Variants in MATR3 observed in about 807,000 individuals in gnomAD.
MATR3 encodes matrin 3, also known as matrin-3.
In MATR3, 4 loss-of-function variants were observed where a neutral mutation model predicts 85.5. That is an observed-to-expected ratio of 0.05 (90% CI 0.02 to 0.11). MATR3 has a LOEUF of 0.11. MATR3 is among the 10% of genes least tolerant of loss of function. The probability of loss-of-function intolerance (pLI) is 1.00; values close to 1 mark genes in which losing one functional copy is unlikely to be tolerated. For synonymous variants in MATR3, 336 were observed against 343.1 expected (o/e 0.98, Z 0.23); for missense variants, 685 against 1,016.1 (o/e 0.67, Z 4.43).
At position 139,318,967 on chromosome 5, in the gene MATR3, C is replaced by A. The variant is rs200027384; in HGVS notation, c.1368C>A (p.Thr456=). 1 of 1,613,880 alleles carries A rather than the reference C, an allele frequency of 6.2e-7. No homozygotes were observed. The highest frequency in any genetic ancestry group is 1.1e-5 in the South Asian group (1 of 91,076). The part of the protein sequence containing the change: ...DAQAAVDYYT[T]TPALVFGKPV... Reference sequence around the variant, plus strand: ...AGGCCGCAGTGGATTATTACACAACCACACCAGCGTTAGTATTTGGCAAGC... The same window carrying A: ...AGGCCGCAGTGGATTATTACACAACAACACCAGCGTTAGTATTTGGCAAGC... Residue 456 remains threonine (T), a synonymous_variant, in exon 8 of 15, where the codon ACC becomes ACA. Coordinates refer to ENST00000394805, the MANE Select transcript of MATR3 (RefSeq NM_018834.6).
chr5:139,296,571 A>G (rs1754165849), intron 1 of MATR3, among the ~76,000 whole-genome samples: 1 of 152,198 alleles, frequency 6.6e-6, no homozygotes. Context: ...TTTTAAGCGA[A>G]ATTGGCATAG....
chr5:139,319,352 G>C lies in MATR3; in HGVS notation c.1453G>C (p.Asp485His). 6.2e-7 allele frequency: 1 copy of C among 1,614,118 alleles called. No individual in the cohort carries two copies. Among genetic ancestry groups the C allele is most frequent in the Non-Finnish European group, 8.5e-7 (1 of 1,180,014 alleles). Residue 485 changes from aspartate (D) to histidine (H), a missense_variant, in exon 9 of 15, where the codon GAT becomes CAT. By Grantham distance (81) the Asp-to-His change is moderately conservative. Coordinates refer to ENST00000394805, the MANE Select transcript of MATR3 (RefSeq NM_018834.6). ...ATTAAAGAAACCTGAAGGAAAGCCA[G>C]ATCAGAAGTTTGATCAAAAGCAAGA... ...KRIKKPEGKP[D>H]QKFDQKQELG...
At position 139,302,364 on chromosome 5, in the gene MATR3, A is replaced by C. The variant is rs149072573; in HGVS notation, c.-177-4875A>C. On this transcript the variant is annotated intron_variant, in intron 1 of 14. Coordinates refer to ENST00000394805, the MANE Select transcript of MATR3 (RefSeq NM_018834.6). ...AGAGCATAAGATTTGAAAGTGGCTG[A>C]AACTCTAGGAAAAAAATGTAGTTCT... Among the ~76,000 whole-genome samples the C allele has an allele frequency of 2.6e-5, 4 of 152,368 alleles. No individual in the cohort carries two copies. In the East Asian group the frequency reaches 7.7e-4, roughly 29 times the overall value.
chr5:139,279,470 G>A (rs1753432358), intron 3 of MATR3: 1 of 182,826 alleles, frequency 5.5e-6, no homozygotes, highest in South Asian at 1.0e-4. Context: ...CTTGCGATTT[G>A]CCTGCCTTGG....
intron 9 of MATR3, among the ~76,000 whole-genome samples, chr5:139,320,850 G>A (rs1755527395): frequency 6.8e-6 from 1 of 147,902 alleles, no homozygotes; most frequent in Non-Finnish European, 1.5e-5. Flanking sequence ...CCGGTTCATG[G>A]CATTCTCCTG....
intron 1 of MATR3, among the ~76,000 whole-genome samples, chr5:139,296,042 T>G (rs1754131746): frequency 6.6e-6 from 1 of 152,294 alleles, no homozygotes; most frequent in Non-Finnish European, 1.5e-5. Flanking sequence ...CAGGCTGGTG[T>G]TGAACTCTCG....
chr5:139,326,436 TTTA>T, intron 14 of MATR3, 152 bp downstream of exon 14: 3 of 750,676 alleles, frequency 4.0e-6, no homozygotes, highest in Admixed American at 3.1e-5. Flanking sequence ...TTTTTTTTTT[TTTA>T]AAGACAGTTT....
At chr5:139,300,599 A>G (rs1455224542) in intron 1 of MATR3, among the ~76,000 whole-genome samples, 2 of 152,190 alleles carry the variant, frequency 1.3e-5, no homozygotes, top group Non-Finnish European at 2.9e-5. Context: ...GATTATACCA[A>G]ATGAGATGAT....
Position 139,331,144 on chromosome 5 carries a change from C to G in MATR3, c.*1749C>G. On this transcript the variant is annotated 3_prime_UTR_variant, in exon 15 of 15. Coordinates refer to ENST00000394805, the MANE Select transcript of MATR3 (RefSeq NM_018834.6). ...TCTACAAAAACAGGATAGGCATTGTCTTTCAAATGTTCAGACCCCAGTTTA... is the reference window on the plus strand; with the variant it reads ...TCTACAAAAACAGGATAGGCATTGTGTTTCAAATGTTCAGACCCCAGTTTA... The G allele has an allele frequency of 2.2e-6, 1 of 454,084 alleles. No homozygotes were observed. The highest frequency in any genetic ancestry group is 1.6e-5 in the South Asian group (1 of 64,478). 28.1% of individuals were successfully genotyped at this position (454,084 alleles called of 1,614,324 possible). A position where few individuals can be genotyped will look rare whatever the true frequency, so the allele number is the denominator to read the frequency against.
Position 139,307,915 on chromosome 5 carries a change from G to A in MATR3, c.500G>A (p.Arg167Gln), listed in dbSNP as rs759763701. The change falls in exon 2 of 15, where the codon CGG becomes CAG. Residue 167 changes from arginine (R) to glutamine (Q), a missense_variant. Coordinates refer to ENST00000394805, the MANE Select transcript of MATR3 (RefSeq NM_018834.6). The surrounding 1 kb of genome is among the most constrained non-coding windows in gnomAD (Gnocchi z 4.4). The stretch of plus-strand genomic sequence containing the variant: ...GGTAGAGATGGCAGATCTGCTACAC[G>A]GGAGCCACCATACAGAGTACCTAGG... ...SYGRDGRSAT[R>Q]EPPYRVPRDD... 2 of 1,614,026 alleles carry A rather than the reference G, an allele frequency of 1.2e-6. No individual in the cohort carries two copies. Among genetic ancestry groups the A allele is most frequent in the South Asian group, 1.1e-5 (1 of 91,070 alleles).
chr5:139,322,908 G>C lies in MATR3; in HGVS notation c.2089G>C (p.Asp697His), dbSNP rs1755650491. 1 of 1,613,774 alleles carries C rather than the reference G, an allele frequency of 6.2e-7. No individual in the cohort carries two copies. The highest frequency in any genetic ancestry group is 1.3e-5 in the African/African-American group (1 of 74,856). ...VASDGKKEPS[D>H]KAVKKDGSAS... is the part of the protein sequence containing the mutation. ...TTCTGATGGGAAAAAGGAACCATCA[G>C]ATAAAGCTGTGAAAAAAGATGGAAG... Residue 697 changes from aspartate to histidine, a missense_variant, in exon 12 of 15, where the codon GAT (aspartate) becomes CAT (histidine). Asp to His is a moderately conservative substitution (Grantham distance 81, BLOSUM62 -1). Transcript: ENST00000394805.
chr5:139,319,844 CAAAA>C (rs1208978797), intron 9 of MATR3, among the ~76,000 whole-genome samples: 1 of 60,472 alleles, frequency 1.7e-5, no homozygotes, highest in Non-Finnish European at 3.2e-5. Flanking sequence ...ACTCCCAACT[CAAAA>C]AAAAAAATTT....
chr5:139,288,363 C>T (rs1417131115), intron 3 of MATR3, among the ~76,000 whole-genome samples: 1 of 152,210 alleles, frequency 6.6e-6, no homozygotes, highest in Non-Finnish European at 1.5e-5. Flanking sequence ...AAAAGTTTGA[C>T]TTTCTCTGCA....
rs1251580290 is a variant in MATR3 at position 139,305,130 on chromosome 5, G to C, written c.-177-2109G>C. Among the ~76,000 whole-genome samples, 3 of 152,130 alleles carry C rather than the reference G, an allele frequency of 2.0e-5. No homozygotes were observed. In the East Asian group the frequency reaches 5.8e-4, roughly 29 times the overall value. Reference sequence around the variant, plus strand: ...AAACTGAGTATCTTAAAACTACTAAGGTGGTTATGGAATTACACGTTGTCA... The same window carrying C: ...AAACTGAGTATCTTAAAACTACTAACGTGGTTATGGAATTACACGTTGTCA... On this transcript the variant is annotated intron_variant, in intron 1 of 14. Transcript: ENST00000394805.
intron 3 of MATR3, among the ~76,000 whole-genome samples, chr5:139,286,159 T>C (rs189902880): frequency 1.2e-4 from 19 of 152,272 alleles, no homozygotes; most frequent in African/African-American, 4.3e-4. Flanking sequence ...TTGCCACTGC[T>C]AGAAGAGCAG....
chr5:139,298,033 A>T (rs1451651365), intron 1 of MATR3, among the ~76,000 whole-genome samples: 1 of 152,214 alleles, frequency 6.6e-6, no homozygotes, highest in Non-Finnish European at 1.5e-5. Flanking sequence ...AAATGCAGCA[A>T]GTATGGAAAG....
In MATR3 at chr5:139,301,682, C is replaced by G. The variant is rs188907700; in HGVS notation, c.-177-5557C>G. Among the ~76,000 whole-genome samples, 7 of 152,218 alleles carry G rather than the reference C, an allele frequency of 4.6e-5. No homozygotes were observed. In the East Asian group the frequency reaches 1.4e-3, roughly 29 times the overall value. On this transcript the variant is annotated intron_variant, in intron 1 of 14. Coordinates refer to ENST00000394805, the MANE Select transcript of MATR3 (RefSeq NM_018834.6). ...TTAAGCAGAGAAGAAAGTAAAGAGC[C>G]AAGTTTATGTCGTAGTTCAAATAGA...
At chr5:139,278,031 A>G (rs1171525209) in intron 2 of MATR3, among the ~76,000 whole-genome samples, 2 of 151,822 alleles carry the variant, frequency 1.3e-5, no homozygotes, top group African/African-American at 4.8e-5. Flanking sequence ...GGAGTTTGAG[A>G]CAAGCCTGGG....
chr5:139,288,005 G>C (rs1037098123), intron 3 of MATR3, among the ~76,000 whole-genome samples: 9 of 152,232 alleles, frequency 5.9e-5, no homozygotes, highest in African/African-American at 2.2e-4. Context: ...AAGCCCAGGA[G>C]TTCGACACCA....
Sources: allele counts gnomAD v4.1 joint callset (sites outside exome capture counted in the v4.1 genomes callset), GRCh38; gene constraint gnomAD v4.1.1; non-coding constraint Gnocchi (gnomAD v3.1); transcripts MANE v1.5; gene names NCBI Gene and HGNC (gene_info 2026-07-23, HGNC 2026-07-21).